The following ZBTB7C variants were observed in gnomAD, a reference collection of about 807,000 sequenced individuals.
ZBTB7C encodes the protein zinc finger and BTB domain-containing protein 7C.
ZBTB7C carries 8 observed loss-of-function variants against 25.7 expected under a neutral mutation model. The ratio of observed to expected loss-of-function variants is 0.31; its 90% CI spans 0.18 to 0.56. The LOEUF is 0.56. ZBTB7C is among the 20% of genes least tolerant of loss of function. ZBTB7C has a pLI of 0.91. For synonymous variants in ZBTB7C, 394 were observed against 369.0 expected, an observed-to-expected ratio of 1.07 and a Z score of -0.78; for missense variants, 824 against 855.2, an observed-to-expected ratio of 0.96 and a Z score of 0.46.
intron 1 of ZBTB7C, among the ~76,000 whole-genome samples, chr18:48,361,526 A>C (rs974351330): frequency 6.6e-6 from 1 of 152,180 alleles, no homozygotes; most frequent in African/African-American, 2.4e-5. Flanking sequence ...AAAACATATC[A>C]TGGCATCTAA....
chr18:48,132,936 G>C (rs997662008), intron 3 of ZBTB7C, among the ~76,000 whole-genome samples: 1 of 152,248 alleles, frequency 6.6e-6, no homozygotes, highest in Non-Finnish European at 1.5e-5. Flanking sequence ...TATCATTTGG[G>C]AGGGCCACAT....
In ZBTB7C at chr18:48,029,318, C is replaced by G; in HGVS notation, c.1802G>C (p.Gly601Ala). The G allele has an allele frequency of 6.5e-7, 1 of 1,536,678 alleles. No individual in the cohort carries two copies. Residue 601 changes from glycine (G) to alanine (A), a missense_variant, in exon 5 of 5, where the codon GGC becomes GCC. Physicochemically the swap from Gly to Ala is moderately conservative, Grantham distance 60. Around this residue, in one of 4 missense-constraint regions of ZBTB7C, gnomAD observed 342 missense variants for 307.0 expected, o/e 1.11. Transcript: ENST00000590800. ...LPDPWAAGLA[G>A]LPGLAGLNHV... ...GTTGAGGCCGGCGAGCCCAGGGAGG[C>G]CGGCCAGGCCGGCGGCCCAAGGGTC...
At chr18:48,103,112 TTATCTATCTATCTATCTATC>T (rs61043835) in intron 3 of ZBTB7C, among the ~76,000 whole-genome samples, 2,944 of 130,954 alleles carry the variant, frequency 0.022, 39 homozygotes, top group Non-Finnish European at 0.032. Context: ...ATATTTTATA[TTATCTATCTATCTATCTATC>T]TATCTATCTA....
chr18:48,232,945 CAA>C (rs1328525416), intron 2 of ZBTB7C, among the ~76,000 whole-genome samples: 2 of 152,040 alleles, frequency 1.3e-5, no homozygotes, highest in African/African-American at 4.8e-5. Context: ...TAAGCAACAG[CAA>C]AACAACAGAA....
intron 3 of ZBTB7C, among the ~76,000 whole-genome samples, chr18:48,101,135 C>T (rs1598879291): frequency 6.6e-6 from 1 of 152,188 alleles, no homozygotes; most frequent in East Asian, 1.9e-4. Context: ...CCTCCCTTCA[C>T]CAGGCACCCA....
At chr18:48,311,512 A>G (rs1350026544) in intron 2 of ZBTB7C, among the ~76,000 whole-genome samples, 1 of 149,222 alleles carries the variant, frequency 6.7e-6, no homozygotes, top group Non-Finnish European at 1.5e-5. Flanking sequence ...TGCTACTGTC[A>G]TCTAATGGGT....
Position 48,137,423 on chromosome 18 carries a change from C to G in ZBTB7C, c.-17+48511G>C, listed in dbSNP as rs539004422. 7.8e-4 allele frequency: 414 copies of G among 530,286 alleles called. 3 individuals are homozygous for G. The highest frequency in any genetic ancestry group is 7.4e-3 in the African/African-American group (310 of 41,710). The allele number at this position is 530,286 out of a possible 1,614,324, so 32.8% of individuals were successfully genotyped here. A position where few individuals can be genotyped will look rare whatever the true frequency, so the allele number is the denominator to read the frequency against. ...TTTGTTTTTTGTGGGTTTCCCCCCA[C>G]TCTCCTTCTCTAGTACTTCACAAAA... On this transcript the variant is annotated intron_variant, in intron 3 of 4. Coordinates refer to ENST00000590800, the MANE Select transcript of ZBTB7C (RefSeq NM_001318841.2).
intron 2 of ZBTB7C, among the ~76,000 whole-genome samples, chr18:48,210,310 C>T (rs1247608325): frequency 6.6e-6 from 1 of 152,148 alleles, no homozygotes; most frequent in Non-Finnish European, 1.5e-5. Flanking sequence ...AGAAATTTCA[C>T]TCCTAAATAT....
chr18:48,163,230 C>G (rs1404485037), intron 3 of ZBTB7C, among the ~76,000 whole-genome samples: 1 of 152,188 alleles, frequency 6.6e-6, no homozygotes. Flanking sequence ...AAATCTCCCC[C>G]CTTTATAATA....
chr18:48,289,843 A>T (rs984318639), intron 2 of ZBTB7C, among the ~76,000 whole-genome samples: 4 of 152,132 alleles, frequency 2.6e-5, no homozygotes, highest in African/African-American at 9.7e-5. Context: ...GCACTCTGAA[A>T]AGTCCTAGAA....
At chr18:48,380,041 A>G (rs745459091) in intron 1 of ZBTB7C, among the ~76,000 whole-genome samples, 2 of 152,212 alleles carry the variant, frequency 1.3e-5, no homozygotes, top group African/African-American at 2.4e-5. Flanking sequence ...TTTATAGCAC[A>G]AAGAGTAAAC....
At chr18:48,084,422 G>A (rs1412630536) in intron 3 of ZBTB7C, among the ~76,000 whole-genome samples, 1 of 152,174 alleles carries the variant, frequency 6.6e-6, no homozygotes, top group African/African-American at 2.4e-5. Context: ...GCCATCTTTA[G>A]CTCTGGGTTG....
chr18:48,182,562 G>A (rs1318780577), intron 3 of ZBTB7C, among the ~76,000 whole-genome samples: 1 of 152,214 alleles, frequency 6.6e-6, no homozygotes, highest in Admixed American at 6.5e-5. Flanking sequence ...CTGTTGTCAG[G>A]CAGTGTGGAT....
At position 48,407,866 on chromosome 18, in the gene ZBTB7C, CGCTCTG is replaced by C. The variant is rs953578258; in HGVS notation, c.-304+1354_-304+1359del. On this transcript the variant is annotated intron_variant, in intron 1 of 4. Coordinates refer to ENST00000590800, the MANE Select transcript of ZBTB7C (RefSeq NM_001318841.2). The stretch of plus-strand genomic sequence containing the variant: ...AGTTTCAACACCCGGGTATCTGGCC[CGCTCTG>C]GGAATAATGATTTCTTTCAGCCCAG... 1.8e-4 allele frequency among the ~76,000 whole-genome samples: 28 copies of C among 152,228 alleles called. No homozygotes were observed. The East Asian group carries it at 4.4e-3, about 24-fold the overall frequency.
intron 3 of ZBTB7C, among the ~76,000 whole-genome samples, chr18:48,139,524 G>A (rs938730012): frequency 1.1e-4 from 17 of 152,166 alleles, no homozygotes; most frequent in Middle Eastern, 3.4e-3. Context: ...GTGGTGCCAG[G>A]GCCAGTGATA....
chr18:48,309,397 T>C (rs1181799948), intron 2 of ZBTB7C, among the ~76,000 whole-genome samples: 1 of 152,228 alleles, frequency 6.6e-6, no homozygotes, highest in Non-Finnish European at 1.5e-5. Context: ...TTGTCACTTA[T>C]CATTTTTCCT....
intron 3 of ZBTB7C, among the ~76,000 whole-genome samples, chr18:48,139,171 G>T (rs1421925681): frequency 5.3e-5 from 8 of 152,162 alleles, no homozygotes; most frequent in African/African-American, 1.9e-4. Context: ...GGCATGTCAG[G>T]TGCGGGAGTG....
chr18:48,056,345 C>T (rs367826103), intron 3 of ZBTB7C, among the ~76,000 whole-genome samples: 16 of 152,226 alleles, frequency 1.1e-4, no homozygotes, highest in African/African-American at 3.1e-4. Context: ...ATAAAAATAT[C>T]GGAATTTCTA....
intron 2 of ZBTB7C, among the ~76,000 whole-genome samples, chr18:48,265,042 C>G (rs2044272321): frequency 6.6e-6 from 1 of 152,140 alleles, no homozygotes; most frequent in Non-Finnish European, 1.5e-5. Context: ...GCCTTCTAGT[C>G]CTGGTGGTGC....
Sources: gnomAD v4.1 joint callset for allele counts (sites outside exome capture counted in the v4.1 genomes callset) on GRCh38, gnomAD v4.1.1 for gene constraint, gnomAD v4.1.1 regional missense constraint, MANE v1.5 for transcripts, NCBI Gene and HGNC (gene_info 2026-07-23, HGNC 2026-07-21) for gene names.